TACC2: variants seen among roughly 807,000 people sequenced by gnomAD.
TACC2 encodes transforming acidic coiled-coil containing protein 2.
TACC2 carries 137 observed loss-of-function variants against 227.3 expected under a neutral mutation model. That is an observed-to-expected ratio of 0.60 (90% CI 0.52 to 0.69). The LOEUF is 0.69. TACC2 is among the 30% of genes least tolerant of loss of function. TACC2 has a pLI of 0.00. For synonymous variants in TACC2, 1,523 were observed against 1,487.5 expected, an observed-to-expected ratio of 1.02 and a Z score of -0.55; for missense variants, 3,470 against 3,694.4, an observed-to-expected ratio of 0.94 and a Z score of 1.57.
chr10:122,232,234 G>A (rs1327512558), intron 16 of TACC2, among the ~76,000 whole-genome samples: 7 of 152,212 alleles, frequency 4.6e-5, no homozygotes, highest in Non-Finnish European at 7.3e-5. Flanking sequence ...AGACATCCTT[G>A]GGGCCTAAAG....
intron 14 of TACC2, 150 bp downstream of exon 14, chr10:122,228,158 G>C (rs1186450487): frequency 1.3e-6 from 1 of 756,538 alleles, no homozygotes; most frequent in Non-Finnish European, 2.1e-6. Flanking sequence ...AGCCAACCTG[G>C]GAAATCCCAT....
At chr10:122,038,923 TAGAA>T (rs1244636813) in intron 2 of TACC2, among the ~76,000 whole-genome samples, 1 of 152,178 alleles carries the variant, frequency 6.6e-6, no homozygotes, top group African/African-American at 2.4e-5. Context: ...TGAAATGGCT[TAGAA>T]AGAACATTGG....
chr10:122,168,543 C>A (rs374956945), intron 7 of TACC2, among the ~76,000 whole-genome samples: 3 of 152,252 alleles, frequency 2.0e-5, no homozygotes, highest in South Asian at 4.2e-4. Context: ...TGCCTGGAGG[C>A]TTTCTCTTAG....
At position 122,050,357 on chromosome 10, in the gene TACC2, G is replaced by A; in HGVS notation, c.34-81G>A. 9.5e-7 allele frequency: 1 copy of A among 1,049,324 alleles called. No homozygotes were observed. Among genetic ancestry groups the A allele is most frequent in the Non-Finnish European group, 1.4e-6 (1 of 693,640 alleles). 65.0% of individuals were successfully genotyped at this position (1,049,324 alleles called of 1,614,324 possible). ...CAACCTTACCTTGAATGCTGTGGTG[G>A]GTGCCCTGTTGATAAATGTTTTTGT... is the stretch of plus-strand genomic sequence containing the variant. On this transcript the variant is annotated intron_variant, in intron 2 of 22. Transcript: ENST00000369005. The surrounding 1 kb of genome is among the most constrained non-coding windows in gnomAD (Gnocchi z 4.6).
intron 5 of TACC2, among the ~76,000 whole-genome samples, chr10:122,120,161 T>G (rs1341133086): frequency 6.6e-6 from 1 of 152,162 alleles, no homozygotes; most frequent in Non-Finnish European, 1.5e-5. Context: ...TAAGGTCTCC[T>G]GGGGAGCTGG....
At chr10:122,134,787 C>T (rs1439657581) in intron 6 of TACC2, among the ~76,000 whole-genome samples, 1 of 152,196 alleles carries the variant, frequency 6.6e-6, no homozygotes, top group Non-Finnish European at 1.5e-5. Flanking sequence ...GATGCGGGGG[C>T]ACGAGGAAGC....
At chr10:122,094,084 A>G (rs2081116097) in intron 5 of TACC2, among the ~76,000 whole-genome samples, 1 of 152,164 alleles carries the variant, frequency 6.6e-6, no homozygotes, top group Non-Finnish European at 1.5e-5. Context: ...AAAAGTACTT[A>G]GGAAACTAAA....
At position 122,249,118 on chromosome 10, in the gene TACC2, C is replaced by T; in HGVS notation, c.8622C>T (p.Tyr2874=). The T allele has an allele frequency of 6.2e-7, 1 of 1,613,074 alleles. No homozygotes were observed. The highest frequency in any genetic ancestry group is 8.5e-7 in the Non-Finnish European group (1 of 1,179,834). ...LSRVKKEEQR[Y]QALKVHAEEK... Reference sequence around the variant, plus strand: ...GGGTGAAGAAGGAGGAGCAGAGGTACCAGGCCCTGAAGGTGCACGCGGAGG... The same window carrying T: ...GGGTGAAGAAGGAGGAGCAGAGGTATCAGGCCCTGAAGGTGCACGCGGAGG... The change falls in exon 21 of 23, where the codon TAC becomes TAT. Residue 2874 remains tyrosine, a synonymous_variant. Transcript: ENST00000369005.
chr10:122,230,307 C>A, intron 15 of TACC2, 44 bp from the exon 16 acceptor site: 1 of 1,516,338 alleles, frequency 6.6e-7, no homozygotes, highest in Non-Finnish European at 9.2e-7. Context: ...TGACGTCTGT[C>A]TTGATGCATT....
intron 5 of TACC2, among the ~76,000 whole-genome samples, chr10:122,108,048 C>G (rs761502281): frequency 6.6e-6 from 1 of 150,920 alleles, no homozygotes; most frequent in Admixed American, 6.6e-5. Flanking sequence ...CCCACCACCA[C>G]GCCCGGCTAA....
chr10:122,052,948 T>C (rs1441307385), intron 3 of TACC2, among the ~76,000 whole-genome samples: 1 of 152,208 alleles, frequency 6.6e-6, no homozygotes, highest in African/African-American at 2.4e-5. Flanking sequence ...CCAACAAGGA[T>C]AAAGAGCATT....
In TACC2 at chr10:122,210,646, A is replaced by C. The variant is rs1181469493; in HGVS notation, c.6221A>C (p.Asp2074Ala). ...GTGAACACACGGAGGAAGTCCACGG[A>C]TTCCGTCCCCATCTCTAAGTCTACA... ...GKVNTRRKST[D>A]SVPISKSTLS... The change falls in exon 9 of 23, where the codon GAT becomes GCT. Residue 2074 changes from aspartate to alanine, a missense_variant. Physicochemically the swap from Asp to Ala is moderately radical, Grantham distance 126 (BLOSUM62 -2). Coordinates refer to ENST00000369005, the MANE Select transcript of TACC2 (RefSeq NM_206862.4). This position sits in a 1 kb window ranked among gnomAD's most constrained non-coding sequence, Gnocchi z 4.6. The C allele has an allele frequency of 1.2e-6, 2 of 1,613,986 alleles. No individual in the cohort carries two copies. The highest frequency in any genetic ancestry group is 1.7e-6 in the Non-Finnish European group (2 of 1,180,018).
intron 5 of TACC2, 52 bp downstream of exon 5, chr10:122,088,643 A>C: frequency 6.3e-7 from 1 of 1,585,422 alleles, no homozygotes; most frequent in Non-Finnish European, 8.6e-7. Flanking sequence ...CCTTAGATAC[A>C]GACACACTGG....
At position 122,211,495 on chromosome 10, in the gene TACC2, A is replaced by C. The variant is rs564839203; in HGVS notation, c.7070A>C (p.Gln2357Pro). 6.2e-7 allele frequency: 1 copy of C among 1,613,880 alleles called. No homozygotes were observed. Among genetic ancestry groups the C allele is most frequent in the Non-Finnish European group, 8.5e-7 (1 of 1,179,944 alleles). Residue 2357 changes from glutamine (Q) to proline (P), a missense_variant, in exon 9 of 23, where the codon CAG (glutamine) becomes CCG (proline). Gln to Pro is a moderately conservative substitution (Grantham distance 76). Coordinates refer to ENST00000369005, the MANE Select transcript of TACC2 (RefSeq NM_206862.4). ...CCTTTTTCTTCCACCTCAAAAATGC[A>C]GGAGTCTCCCAAACTGCCCCAACAA... is the stretch of plus-strand genomic sequence containing the variant. ...FNPFSSTSKM[Q>P]ESPKLPQQSY...
At position 122,215,477 on chromosome 10, in the gene TACC2, G is replaced by A. The variant is rs74159095; in HGVS notation, c.7344+26G>A. 4,459 of 1,602,402 alleles carry A rather than the reference G, an allele frequency of 2.8e-3. 102 individuals are homozygous for A. In the African/African-American group the frequency reaches 0.05, roughly 18 times the overall value. ...GTACAGTGTTCCTTTGATCTTGATG[G>A]TTTTATGCCCCCCCCGGGGGAGGTT... On this transcript the variant is annotated intron_variant, in intron 10 of 22. Transcript: ENST00000369005.
intron 5 of TACC2, among the ~76,000 whole-genome samples, chr10:122,097,999 C>T (rs773429943): frequency 1.8e-4 from 28 of 152,104 alleles, no homozygotes; most frequent in South Asian, 1.0e-3. Flanking sequence ...GCTGGGTACA[C>T]GCTCCTCTGC....
At chr10:122,238,127 T>A (rs907243488) in intron 18 of TACC2, 90 bp downstream of exon 18, 17 of 981,850 alleles carry the variant, frequency 1.7e-5, no homozygotes, top group African/African-American at 4.8e-5. Context: ...CACAGAAGAG[T>A]GTCTTCTGTG....
chr10:122,138,353 T>TA (rs1184181277), intron 6 of TACC2, among the ~76,000 whole-genome samples: 1 of 152,000 alleles, frequency 6.6e-6, no homozygotes, highest in African/African-American at 2.4e-5. Flanking sequence ...ACTAAATATG[T>TA]AAAAAAATTA....
intron 7 of TACC2, among the ~76,000 whole-genome samples, chr10:122,179,035 A>G (rs184486086): frequency 6.6e-6 from 1 of 152,364 alleles, no homozygotes; most frequent in East Asian, 1.9e-4. Context: ...GCTCTTGAAC[A>G]CCTTGCCATG....
Sources: gnomAD v4.1 joint callset for allele counts (sites outside exome capture counted in the v4.1 genomes callset) on GRCh38, gnomAD v4.1.1 for gene constraint, Gnocchi (gnomAD v3.1) non-coding constraint, MANE v1.5 for transcripts, NCBI Gene and HGNC (gene_info 2026-07-23, HGNC 2026-07-21) for gene names.